The following STOX2 variants were observed in gnomAD, a reference collection of about 807,000 sequenced individuals.
STOX2 encodes the protein storkhead-box protein 2.
In STOX2, 28 loss-of-function variants were observed where a neutral mutation model predicts 60.9. The ratio of observed to expected loss-of-function variants is 0.46; its 90% CI spans 0.34 to 0.63. STOX2 has a LOEUF of 0.63. Ranked by LOEUF, STOX2 falls within the 30% of genes least tolerant of loss-of-function variation. STOX2 has a pLI of 0.01. For missense variants in STOX2, 1,024 were observed against 1,187.7 expected (o/e 0.86, Z 2.03); for synonymous variants, 472 against 463.9 (o/e 1.02, Z -0.22).
rs372836514 is a variant in STOX2, at chr4:183,894,709, C to G, written c.364+96654C>G. Among the ~76,000 whole-genome samples the G allele has an allele frequency of 9.2e-5, 14 of 152,254 alleles. No homozygotes were observed. In the East Asian group the frequency reaches 1.3e-3, roughly 15 times the overall value. ...AAAGGATCCATCCTTTAAACTCCAT[C>G]TGTGTTATAGTGTGGTTTTTCATTG... is the stretch of plus-strand genomic sequence containing the variant. On this transcript the variant is annotated intron_variant, in intron 1 of 2. Transcript: ENST00000513034.
intron 2 of STOX2, among the ~76,000 whole-genome samples, chr4:184,007,537 T>A (rs1318920095): frequency 6.6e-6 from 1 of 152,228 alleles, no homozygotes; most frequent in African/African-American, 2.4e-5. Context: ...TATTGTTATC[T>A]ACCTTTTGAT....
chr4:183,889,248 G>A (rs913522859), intron 1 of STOX2, among the ~76,000 whole-genome samples: 3 of 152,004 alleles, frequency 2.0e-5, no homozygotes, highest in African/African-American at 7.2e-5. Flanking sequence ...CTGGAGTAGG[G>A]TGGGCCCTCA....
In STOX2 at chr4:184,011,717, A is replaced by G. The variant is rs1734182357; in HGVS notation, c.2585+294A>G. 2 of 1,044,208 alleles carry G rather than the reference A, an allele frequency of 1.9e-6. No homozygotes were observed. Among genetic ancestry groups the G allele is most frequent in the Non-Finnish European group, 2.6e-6 (2 of 781,214 alleles). 64.7% of individuals were successfully genotyped at this position (1,044,208 alleles called of 1,614,324 possible). On this transcript the variant is annotated intron_variant, in intron 3 of 3. Coordinates refer to ENST00000308497, the MANE Select transcript of STOX2 (RefSeq NM_020225.3). This position sits in a 1 kb window ranked among gnomAD's most constrained non-coding sequence, Gnocchi z 4.4. ...TTCCAGTATTTTTTCTGCTACGTTC[A>G]TATTGCCACCCATGCTAAGAGAAGG...
chr4:183,889,449 C>A (rs1741157450), intron 1 of STOX2, among the ~76,000 whole-genome samples: 1 of 152,198 alleles, frequency 6.6e-6, no homozygotes, highest in Non-Finnish European at 1.5e-5. Context: ...CTGCTCTTAA[C>A]CTTGATCACA....
chr4:183,894,890 A>G (rs140976109), intron 1 of STOX2, among the ~76,000 whole-genome samples: 115 of 152,340 alleles, frequency 7.5e-4, no homozygotes, highest in Non-Finnish European at 8.8e-4. Flanking sequence ...AGTCATCTGA[A>G]TACATTTGTA....
At position 184,009,631 on chromosome 4, in the gene STOX2, A is replaced by G; in HGVS notation, c.793A>G (p.Lys265Glu). Reference protein sequence around the residue: ...KPKDSEKQSKKFGLKLFRLSF... With the variant: ...KPKDSEKQSKEFGLKLFRLSF... ...TAAAGATAGTGAAAAGCAGTCAAAA[A>G]AATTCGGGCTAAAGTTATTCCGGTT... is the stretch of plus-strand genomic sequence containing the variant. Residue 265 changes from lysine to glutamate, a missense_variant, in exon 3 of 4, where the codon AAA becomes GAA. Physicochemically the swap from Lys to Glu is moderately conservative, Grantham distance 56. Transcript: ENST00000308497. The surrounding 1 kb of genome is among the most constrained non-coding windows in gnomAD (Gnocchi z 4.0). 6.2e-7 allele frequency: 1 copy of G among 1,613,922 alleles called. No homozygotes were observed. Among genetic ancestry groups the G allele is most frequent in the Non-Finnish European group, 8.5e-7 (1 of 1,179,884 alleles).
intron 1 of STOX2, among the ~76,000 whole-genome samples, chr4:183,934,186 C>T (rs899400515): frequency 1.6e-4 from 25 of 152,124 alleles, no homozygotes; most frequent in African/African-American, 5.8e-4. Context: ...GCCTGTAATC[C>T]CAGCTACCTG....
intron 1 of STOX2, among the ~76,000 whole-genome samples, chr4:183,805,897 C>T (rs748046809): frequency 1.3e-5 from 2 of 152,238 alleles, no homozygotes; most frequent in African/African-American, 2.4e-5. Context: ...GCATCAGTCT[C>T]TCTTGATGCG....
Position 184,020,880 on chromosome 4 carries a change from T to C in STOX2, c.*3596T>C, listed in dbSNP as rs1734560904. ...CCTCTTTTTCATAGCCCAACCAGCA[T>C]CTAAAATGTAAATTTAAATTACATT... On this transcript the variant is annotated 3_prime_UTR_variant, in exon 4 of 4. Coordinates refer to ENST00000308497, the MANE Select transcript of STOX2 (RefSeq NM_020225.3). The C allele has an allele frequency of 6.6e-6, 1 of 152,182 alleles. No individual in the cohort carries two copies. Among genetic ancestry groups the C allele is most frequent in the African/African-American group, 2.4e-5 (1 of 41,450 alleles). The allele number at this position is 152,182 out of a possible 1,614,324, so 9.4% of individuals were successfully genotyped here. A position where few individuals can be genotyped will look rare whatever the true frequency, so the allele number is the denominator to read the frequency against.
intron 1 of STOX2, among the ~76,000 whole-genome samples, chr4:183,851,086 G>C (rs1204369269): frequency 2.4e-4 from 24 of 100,290 alleles, no homozygotes; most frequent in African/African-American, 7.5e-4. Context: ...ATGAGAGAAA[G>C]GATGAGGGAA....
intron 1 of STOX2, among the ~76,000 whole-genome samples, chr4:183,972,710 C>T (rs960334554): frequency 9.2e-5 from 14 of 152,160 alleles, no homozygotes; most frequent in African/African-American, 2.2e-4. Flanking sequence ...TTTAAAGACT[C>T]GGACTCTCAT....
chr4:183,864,327 A>G lies in STOX2; in HGVS notation c.364+66272A>G, dbSNP rs115720052. On this transcript the variant is annotated intron_variant, in intron 1 of 2. Transcript: ENST00000513034. The stretch of plus-strand genomic sequence containing the variant: ...TCTGCAAATCCTACTTTGGATTAAA[A>G]AAACTAAAAGAAGAGTAATCTCTAT... 4.3e-3 allele frequency among the ~76,000 whole-genome samples: 648 copies of G among 152,328 alleles called. 5 individuals are homozygous for G. The highest frequency in any genetic ancestry group is 0.015 in the African/African-American group (611 of 41,574).
At chr4:183,904,701 C>A (rs1291737536), upstream of STOX2, among the ~76,000 whole-genome samples, 2 of 152,206 alleles carry the variant, frequency 1.3e-5, no homozygotes, top group Non-Finnish European at 2.9e-5. Flanking sequence ...GTCTTGAGAT[C>A]TGAATGAGGA....
chr4:183,858,579 A>C (rs1440589617), intron 1 of STOX2, among the ~76,000 whole-genome samples: 1 of 152,100 alleles, frequency 6.6e-6, no homozygotes, highest in African/African-American at 2.4e-5. Flanking sequence ...AATAATTAGA[A>C]AATAGAGAAA....
chr4:183,936,094 A>T (rs1742582427), intron 1 of STOX2, among the ~76,000 whole-genome samples: 1 of 152,212 alleles, frequency 6.6e-6, no homozygotes, highest in Non-Finnish European at 1.5e-5. Context: ...CATATAAATA[A>T]ATTTCAACAT....
intron 1 of STOX2, among the ~76,000 whole-genome samples, chr4:183,994,665 C>T (rs73010232): frequency 0.17 from 25,432 of 152,118 alleles, 2,378 homozygotes; most frequent in East Asian, 0.35. Context: ...GATGAGGAAA[C>T]GGGCGCAGAG....
At chr4:183,815,471 T>A (rs1431530723) in intron 1 of STOX2, among the ~76,000 whole-genome samples, 1 of 152,104 alleles carries the variant, frequency 6.6e-6, no homozygotes, top group Non-Finnish European at 1.5e-5. Context: ...GAACTATAGA[T>A]TTTTAATAAA....
chr4:183,995,735 T>G (rs1029497968), intron 1 of STOX2, among the ~76,000 whole-genome samples: 1 of 152,234 alleles, frequency 6.6e-6, no homozygotes, highest in Non-Finnish European at 1.5e-5. Flanking sequence ...CTCGTCACCG[T>G]CAAGAATAAG....
chr4:183,964,697 C>A (rs1743510577), intron 1 of STOX2, among the ~76,000 whole-genome samples: 2 of 152,214 alleles, frequency 1.3e-5, no homozygotes, highest in Admixed American at 6.5e-5. Flanking sequence ...ATTCTCCCAC[C>A]TCAGGCTCCC....
Sources: allele counts gnomAD v4.1 joint callset (sites outside exome capture counted in the v4.1 genomes callset), GRCh38; gene constraint gnomAD v4.1.1; non-coding constraint Gnocchi (gnomAD v3.1); transcripts MANE v1.5; gene names NCBI Gene and HGNC (gene_info 2026-07-23, HGNC 2026-07-21).